BICDL1: variants seen among roughly 807,000 people sequenced by gnomAD.
BICDL1 encodes BICD family-like cargo adapter 1.
BICDL1 carries 20 observed loss-of-function variants against 76.8 expected under a neutral mutation model. The ratio of observed to expected loss-of-function variants is 0.26; its 90% CI spans 0.18 to 0.38. BICDL1 has a LOEUF of 0.38. Ranked by LOEUF, BICDL1 falls within the 10% of genes least tolerant of loss-of-function variation. BICDL1 has a pLI of 1.00. For missense variants in BICDL1, 700 were observed against 798.6 expected (o/e 0.88, Z 1.49); for synonymous variants, 383 against 337.1 (o/e 1.14, Z -1.49).
rs547391992 is a variant in BICDL1, at chr12:120,074,895, T to C, written c.1452+309T>C. 2.6e-5 allele frequency among the ~76,000 whole-genome samples: 4 copies of C among 152,320 alleles called. No individual in the cohort carries two copies. The South Asian group carries it at 6.2e-4, about 24-fold the overall frequency. On this transcript the variant is annotated intron_variant, in intron 7 of 9. Coordinates refer to ENST00000548673, the MANE Select transcript of BICDL1 (RefSeq NM_001367886.1). ...ATGCTGACAGCCCTCGGGCTACTTA[T>C]GGGTGCTTTTCCAGCAGTTGCTGGG...
chr12:120,042,823 G>A (rs1484196050), intron 2 of BICDL1, among the ~76,000 whole-genome samples: 1 of 150,172 alleles, frequency 6.7e-6, no homozygotes, highest in Non-Finnish European at 1.5e-5. Flanking sequence ...AAAAAAAGAC[G>A]AAGAACCTAA....
chr12:120,088,962 C>A (rs1874696245), intron 8 of BICDL1, among the ~76,000 whole-genome samples: 1 of 152,244 alleles, frequency 6.6e-6, no homozygotes. Flanking sequence ...CCGCACCCGG[C>A]CTACTTTATG....
chr12:120,065,196 C>T (rs977481036), intron 4 of BICDL1, among the ~76,000 whole-genome samples: 44 of 152,294 alleles, frequency 2.9e-4, no homozygotes, highest in African/African-American at 9.4e-4. Flanking sequence ...CTAGCATTTG[C>T]GAAATCTGCT....
At chr12:119,994,897 T>G (rs564274227) in intron 1 of BICDL1, among the ~76,000 whole-genome samples, 1 of 152,028 alleles carries the variant, frequency 6.6e-6, no homozygotes, top group East Asian at 1.9e-4. Context: ...CATCTTATAA[T>G]AGTATGGTAC....
chr12:120,063,723 C>G (rs963231479), intron 3 of BICDL1, among the ~76,000 whole-genome samples: 1 of 152,182 alleles, frequency 6.6e-6, no homozygotes, highest in Non-Finnish European at 1.5e-5. Context: ...CAGCAGGGCA[C>G]TGCTAAATAA....
intron 2 of BICDL1, among the ~76,000 whole-genome samples, chr12:120,015,517 CCTTT>C (rs1174741677): frequency 6.6e-6 from 1 of 152,130 alleles, no homozygotes. Context: ...TGCTTTAGTC[CCTTT>C]CTTTTGTCAT....
At chr12:120,020,035 T>C (rs1256997595) in intron 2 of BICDL1, among the ~76,000 whole-genome samples, 1 of 152,144 alleles carries the variant, frequency 6.6e-6, no homozygotes, top group Non-Finnish European at 1.5e-5. Flanking sequence ...TTTTTTTTCT[T>C]AGTTCTGTCC....
intron 2 of BICDL1, among the ~76,000 whole-genome samples, chr12:120,056,666 G>A (rs1347532747): frequency 9.2e-5 from 14 of 151,970 alleles, no homozygotes; most frequent in Admixed American, 9.2e-4. Flanking sequence ...GCAGTTAGCC[G>A]AGATCGCGCT....
intron 2 of BICDL1, among the ~76,000 whole-genome samples, chr12:120,036,937 T>G (rs1307831449): frequency 6.6e-6 from 1 of 152,226 alleles, no homozygotes; most frequent in Non-Finnish European, 1.5e-5. Context: ...TATGAAAGTT[T>G]ACCAAAATCA....
chr12:120,060,119 T>C (rs146829636), intron 2 of BICDL1, among the ~76,000 whole-genome samples: 173 of 152,364 alleles, frequency 1.1e-3, no homozygotes, highest in African/African-American at 4.1e-3. Flanking sequence ...ATCAAGATAA[T>C]GCATTGGAAA....
At chr12:120,044,389 G>A (rs147298279) in intron 2 of BICDL1, among the ~76,000 whole-genome samples, 11 of 152,228 alleles carry the variant, frequency 7.2e-5, no homozygotes, top group Admixed American at 2.6e-4. Context: ...TCTTTCCTGA[G>A]AGAATCCTGA....
chr12:120,075,399 T>A (rs960178434), intron 7 of BICDL1, among the ~76,000 whole-genome samples: 2 of 152,068 alleles, frequency 1.3e-5, no homozygotes, highest in African/African-American at 4.8e-5. Flanking sequence ...TTTTTTTTTT[T>A]TTTTATTTCT....
intron 3 of BICDL1, among the ~76,000 whole-genome samples, chr12:120,063,026 A>G (rs374189128): frequency 3.2e-4 from 49 of 152,334 alleles, no homozygotes; most frequent in East Asian, 2.1e-3. Context: ...TGCTTTGTCC[A>G]TGAACACTGC....
At chr12:120,026,611 A>G (rs1952308240) in intron 2 of BICDL1, among the ~76,000 whole-genome samples, 1 of 152,238 alleles carries the variant, frequency 6.6e-6, no homozygotes, top group Non-Finnish European at 1.5e-5. Flanking sequence ...ACAAGGAAAT[A>G]CACTAATGAT....
At chr12:120,080,800 G>A in intron 7 of BICDL1, 87 bp from the exon 8 acceptor site, 1 of 1,501,152 alleles carries the variant, frequency 6.7e-7, no homozygotes, top group Non-Finnish European at 9.1e-7. Flanking sequence ...CCCTGGTCCT[G>A]CCTGGGGTCT....
intron 2 of BICDL1, among the ~76,000 whole-genome samples, chr12:120,050,048 T>C (rs1952823280): frequency 6.6e-6 from 1 of 152,202 alleles, no homozygotes; most frequent in African/African-American, 2.4e-5. Context: ...TACATTTCCC[T>C]GGTCACTAAT....
chr12:120,020,089 G>A (rs1566220815), intron 2 of BICDL1, among the ~76,000 whole-genome samples: 2 of 152,154 alleles, frequency 1.3e-5, no homozygotes, highest in African/African-American at 4.8e-5. Flanking sequence ...GTAGTAATGA[G>A]CACCCCCAGT....
intron 7 of BICDL1, among the ~76,000 whole-genome samples, chr12:120,075,029 T>A (rs1873425061): frequency 6.6e-6 from 1 of 152,242 alleles, no homozygotes; most frequent in Admixed American, 6.5e-5. Context: ...AACTTACTGC[T>A]ACCCTTGCTG....
intron 8 of BICDL1, among the ~76,000 whole-genome samples, chr12:120,085,451 A>G (rs967579537): frequency 3.9e-5 from 6 of 152,196 alleles, no homozygotes; most frequent in Non-Finnish European, 7.3e-5. Flanking sequence ...CTTTATGAAT[A>G]ACAGTGAAAT....
Sources: gnomAD v4.1 joint callset for allele counts (sites outside exome capture counted in the v4.1 genomes callset) on GRCh38, gnomAD v4.1.1 for gene constraint, MANE v1.5 for transcripts, NCBI Gene and HGNC (gene_info 2026-07-23, HGNC 2026-07-21) for gene names.